BCAS3: variants seen among roughly 807,000 people sequenced by gnomAD.
BCAS3 encodes the protein BCAS3 microtubule associated cell migration factor.
A neutral mutation model predicts 116.1 loss-of-function variants in BCAS3; 53 were observed. That is an observed-to-expected ratio of 0.46 (90% confidence interval 0.37 to 0.57). BCAS3 has a LOEUF of 0.57. BCAS3 is among the 20% of genes least tolerant of loss of function. The probability of loss-of-function intolerance (pLI) is 0.00; values close to 1 mark genes in which losing one functional copy is unlikely to be tolerated. For missense variants in BCAS3, 917 were observed against 1,165.4 expected (o/e 0.79, Z 3.10); for synonymous variants, 391 against 408.2 (o/e 0.96, Z 0.51).
chr17:61,321,486 G>A (rs2055207054), intron 22 of BCAS3, among the ~76,000 whole-genome samples: 1 of 152,198 alleles, frequency 6.6e-6, no homozygotes. Flanking sequence ...GTGAGTGGCT[G>A]ATGACCTCAA....
At chr17:61,099,940 G>A (rs1034395726) in intron 22 of BCAS3, among the ~76,000 whole-genome samples, 2 of 152,356 alleles carry the variant, frequency 1.3e-5, no homozygotes, top group Middle Eastern at 3.4e-3. Flanking sequence ...CAAAATTTTA[G>A]TGGTGTCATT....
At chr17:60,820,101 C>A (rs2049804699) in intron 7 of BCAS3, among the ~76,000 whole-genome samples, 1 of 150,764 alleles carries the variant, frequency 6.6e-6, no homozygotes. Context: ...GGCAGAGTCT[C>A]GTTCTGTTGC....
At chr17:61,166,106 C>A (rs1204848837) in intron 22 of BCAS3, among the ~76,000 whole-genome samples, 1 of 152,100 alleles carries the variant, frequency 6.6e-6, no homozygotes, top group Non-Finnish European at 1.5e-5. Context: ...TTCCCTTTTT[C>A]CCCATAATTG....
At chr17:61,044,964 G>A (rs1021690563) in intron 19 of BCAS3, among the ~76,000 whole-genome samples, 1 of 151,764 alleles carries the variant, frequency 6.6e-6, no homozygotes, top group Admixed American at 6.6e-5. Context: ...GTTTCACCAG[G>A]TTGGCCAAGA....
intron 4 of BCAS3, among the ~76,000 whole-genome samples, chr17:60,695,119 ATT>A (rs61173709): frequency 1.1e-4 from 14 of 129,142 alleles, no homozygotes; most frequent in East Asian, 4.3e-4. Flanking sequence ...TATATACCAC[ATT>A]TTTTTTTTTT....
rs1265366382 is a variant in BCAS3 at position 61,140,426 on chromosome 17, T to C, written c.2425+55862T>C. Among the ~76,000 whole-genome samples, 1 of 152,138 alleles carries C rather than the reference T, an allele frequency of 6.6e-6. No individual in the cohort carries two copies. Among genetic ancestry groups the C allele is most frequent in the Non-Finnish European group, 1.5e-5 (1 of 68,016 alleles). The stretch of plus-strand genomic sequence containing the variant: ...GAGATGTGGAACAGGGGACAAGAGA[T>C]GGAAGGTTTTGAGTTGGGGAAAAGT... On this transcript the variant is annotated intron_variant, in intron 22 of 23. Transcript: ENST00000407086. The surrounding 1 kb of genome is among the most constrained non-coding windows in gnomAD (Gnocchi z 4.2).
intron 22 of BCAS3, among the ~76,000 whole-genome samples, chr17:61,163,754 A>G (rs1011518963): frequency 1.3e-5 from 2 of 152,302 alleles, no homozygotes; most frequent in Admixed American, 1.3e-4. Context: ...TGGGAGGCCA[A>G]GGTGGGCAGA....
intron 22 of BCAS3, among the ~76,000 whole-genome samples, chr17:61,358,722 C>T (rs1024914435): frequency 6.6e-6 from 1 of 151,964 alleles, no homozygotes; most frequent in Non-Finnish European, 1.5e-5. Flanking sequence ...TTTTGAACTT[C>T]CGGCCTCAGG....
In BCAS3 at chr17:61,285,105, G is replaced by C. The variant is rs749807748; in HGVS notation, c.2426-83222G>C. 6.6e-6 allele frequency among the ~76,000 whole-genome samples: 1 copy of C among 152,160 alleles called. No homozygotes were observed. Among genetic ancestry groups the C allele is most frequent in the Non-Finnish European group, 1.5e-5 (1 of 68,024 alleles). On this transcript the variant is annotated intron_variant, in intron 22 of 23. Transcript: ENST00000407086. This position sits in a 1 kb window ranked among gnomAD's most constrained non-coding sequence, Gnocchi z 5.4. ...ACCTCGGGGTCTCTTCTGTCCCCTA[G>C]TGATTCAAACCAGCTATCCTGAAAC...
chr17:60,950,065 A>T (rs1403181751), intron 14 of BCAS3, among the ~76,000 whole-genome samples: 1 of 152,148 alleles, frequency 6.6e-6, no homozygotes, highest in Non-Finnish European at 1.5e-5. Flanking sequence ...CACAAACCAA[A>T]TATAAAAAGA....
intron 2 of BCAS3, among the ~76,000 whole-genome samples, chr17:60,682,049 A>T (rs555541402): frequency 5.3e-5 from 8 of 152,272 alleles, no homozygotes; most frequent in African/African-American, 1.9e-4. Context: ...TATTTTTGGT[A>T]GAGATGGGGT....
In BCAS3 at chr17:61,368,548, G is replaced by A. The variant is rs1049762272; in HGVS notation, c.2593+54G>A. 15 of 1,514,944 alleles carry A rather than the reference G, an allele frequency of 9.9e-6. No homozygotes were observed. In the East Asian group the frequency reaches 3.0e-4, roughly 30 times the overall value. 93.8% of individuals were successfully genotyped at this position (1,514,944 alleles called of 1,614,324 possible). ...ATTTGGTCAGGACCAGCACCTGTTG[G>A]TGCAGAGCTTCTCTGGAATCGTTTG... On this transcript the variant is annotated intron_variant, in intron 23 of 23. Coordinates refer to ENST00000407086, the MANE Select transcript of BCAS3 (RefSeq NM_017679.5). This position sits in a 1 kb window ranked among gnomAD's most constrained non-coding sequence, Gnocchi z 6.0.
chr17:60,931,629 AT>A (rs2059650444), intron 13 of BCAS3, among the ~76,000 whole-genome samples: 1 of 152,080 alleles, frequency 6.6e-6, no homozygotes, highest in Admixed American at 6.5e-5. Flanking sequence ...CTTAAATATC[AT>A]TTAAGAAGTC....
In BCAS3 at chr17:61,364,687, A is replaced by G. The variant is rs541937022; in HGVS notation, c.2426-3640A>G. ...TGCACCACTGCACTTTGGTCTGGGC[A>G]AAAGAGTGAGACCCCGTCTCAAAAC... On this transcript the variant is annotated intron_variant, in intron 22 of 23. Coordinates refer to ENST00000407086, the MANE Select transcript of BCAS3 (RefSeq NM_017679.5). This position sits in a 1 kb window ranked among gnomAD's most constrained non-coding sequence, Gnocchi z 5.4. Among the ~76,000 whole-genome samples, 4 of 152,356 alleles carry G rather than the reference A, an allele frequency of 2.6e-5. No individual in the cohort carries two copies. Among genetic ancestry groups the G allele is most frequent in the Admixed American group, 6.5e-5 (1 of 15,300 alleles).
In BCAS3 at chr17:60,964,825, T is replaced by C. The variant is rs1007971258; in HGVS notation, c.1221+17473T>C. ...TCTTCTAGGTTTTCCAGTTTGTTGG[T>C]ATATAATTGTTCATAGTAGTCTCTA... On this transcript the variant is annotated intron_variant, in intron 14 of 23. Transcript: ENST00000407086. This position sits in a 1 kb window ranked among gnomAD's most constrained non-coding sequence, Gnocchi z 4.6. Among the ~76,000 whole-genome samples, 5 of 152,154 alleles carry C rather than the reference T, an allele frequency of 3.3e-5. No individual in the cohort carries two copies. The highest frequency in any genetic ancestry group is 4.4e-5 in the Non-Finnish European group (3 of 68,024).
intron 22 of BCAS3, among the ~76,000 whole-genome samples, chr17:61,166,552 C>T (rs1049586740): frequency 6.6e-6 from 1 of 151,914 alleles, no homozygotes. Context: ...CATGCACCAC[C>T]ATACCTGGCT....
chr17:61,102,679 A>G (rs2074401522), intron 22 of BCAS3, among the ~76,000 whole-genome samples: 1 of 152,110 alleles, frequency 6.6e-6, no homozygotes, highest in Non-Finnish European at 1.5e-5. Flanking sequence ...TTAGGTGTAG[A>G]TTTCATTCCC....
chr17:61,205,692 C>A lies in BCAS3; in HGVS notation c.2425+121128C>A, dbSNP rs2081080198. ...GGGCTCCTCATCAGAGGATATGCTT[C>A]TTTTATGTTCCTTAGACTCTTGCCC... On this transcript the variant is annotated intron_variant, in intron 22 of 23. Transcript: ENST00000407086. This position sits in a 1 kb window ranked among gnomAD's most constrained non-coding sequence, Gnocchi z 5.2. Among the ~76,000 whole-genome samples the A allele has an allele frequency of 6.6e-6, 1 of 152,148 alleles. No homozygotes were observed. The highest frequency in any genetic ancestry group is 2.1e-4 in the South Asian group (1 of 4,826).
At chr17:60,974,200 C>T (rs1304036342) in intron 14 of BCAS3, among the ~76,000 whole-genome samples, 1 of 152,034 alleles carries the variant, frequency 6.6e-6, no homozygotes, top group Non-Finnish European at 1.5e-5. Flanking sequence ...TGTTATCATT[C>T]TTATTAATTG....
Sources: gnomAD v4.1 joint callset for allele counts (sites outside exome capture counted in the v4.1 genomes callset) on GRCh38, gnomAD v4.1.1 for gene constraint, Gnocchi (gnomAD v3.1) non-coding constraint, MANE v1.5 for transcripts, NCBI Gene and HGNC (gene_info 2026-07-23, HGNC 2026-07-21) for gene names.